Variants in ATG5 observed in about 807,000 individuals in gnomAD.
ATG5 encodes autophagy related 5.
Under a neutral mutation model 36.5 loss-of-function variants are expected in ATG5, and 14 were observed. The ratio of observed to expected loss-of-function variants is 0.38; its 90% CI spans 0.25 to 0.60. The LOEUF (loss-of-function observed/expected upper bound fraction) is 0.60. Ranked by LOEUF, ATG5 falls within the 20% of genes least tolerant of loss-of-function variation. The pLI, the probability that ATG5 is intolerant of heterozygous loss-of-function variation, is 0.60. For synonymous variants in ATG5, 95 were observed against 101.5 expected, an observed-to-expected ratio of 0.94 and a Z score of 0.38; for missense variants, 195 against 326.7, an observed-to-expected ratio of 0.60 and a Z score of 3.11.
chr6:106,245,646 G>A (rs796707), intron 6 of ATG5, among the ~76,000 whole-genome samples: 16,718 of 152,106 alleles, frequency 0.11, 997 homozygotes, highest in South Asian at 0.15. Flanking sequence ...CTCCGGTTAT[G>A]CAGAAATTCT....
At chr6:106,193,260 C>G (rs1387359491) in intron 7 of ATG5, among the ~76,000 whole-genome samples, 1 of 152,204 alleles carries the variant, frequency 6.6e-6, no homozygotes, top group African/African-American at 2.4e-5. Flanking sequence ...GATGCATACT[C>G]ACTTAGCAGT....
At chr6:106,209,611 A>G (rs983248871) in intron 6 of ATG5, among the ~76,000 whole-genome samples, 1 of 152,320 alleles carries the variant, frequency 6.6e-6, no homozygotes, top group African/African-American at 2.4e-5. Context: ...TTTTGAATAT[A>G]GGGTGAATTT....
intron 4 of ATG5, among the ~76,000 whole-genome samples, chr6:106,288,658 A>G (rs1248418607): frequency 1.3e-5 from 2 of 152,244 alleles, no homozygotes; most frequent in African/African-American, 2.4e-5. Context: ...ATATCATAGC[A>G]TTACCTATGC....
At position 106,233,393 on chromosome 6, in the gene ATG5, C is replaced by A. The variant is rs183494482; in HGVS notation, c.573+14757G>T. 2.6e-5 allele frequency among the ~76,000 whole-genome samples: 4 copies of A among 152,294 alleles called. No individual in the cohort carries two copies. In the East Asian group the frequency reaches 7.7e-4, roughly 29 times the overall value. ...CAATACCCATTTAGTAAGATGGACA[C>A]CTGAAGCAGAAGCGGCTTTCCAGGC... On this transcript the variant is annotated intron_variant, in intron 6 of 7. Transcript: ENST00000369076.
Position 106,281,360 on chromosome 6 carries a change from C to T in ATG5, c.316-1537G>A, listed in dbSNP as rs573309985. On this transcript the variant is annotated intron_variant, in intron 4 of 7. Transcript: ENST00000369076. ...TTGCAGTCAGTTCCCTCATTCCCTT[C>T]CCAAGGAATTACTGATAATGACATA... Among the ~76,000 whole-genome samples, 4 of 152,312 alleles carry T rather than the reference C, an allele frequency of 2.6e-5. No homozygotes were observed. In the East Asian group the frequency reaches 7.7e-4, roughly 29 times the overall value.
chr6:106,194,051 T>A (rs1776076922), intron 7 of ATG5, among the ~76,000 whole-genome samples: 1 of 152,210 alleles, frequency 6.6e-6, no homozygotes, highest in East Asian at 1.9e-4. Flanking sequence ...GTCAGTCCAG[T>A]AATGTCATCA....
chr6:106,317,585 G>A (rs1173554995), intron 1 of ATG5, among the ~76,000 whole-genome samples: 1 of 149,454 alleles, frequency 6.7e-6, no homozygotes, highest in African/African-American at 2.4e-5. Context: ...ATTAAACTGA[G>A]TCCAGTGCTC....
intron 6 of ATG5, among the ~76,000 whole-genome samples, chr6:106,222,988 A>C (rs1777309067): frequency 6.6e-6 from 1 of 152,240 alleles, no homozygotes; most frequent in Non-Finnish European, 1.5e-5. Flanking sequence ...AATATTGAAT[A>C]AAACAATGAC....
intron 6 of ATG5, among the ~76,000 whole-genome samples, chr6:106,221,408 G>A (rs963744054): frequency 2.0e-5 from 3 of 152,064 alleles, no homozygotes; most frequent in Non-Finnish European, 4.4e-5. Context: ...AACTGAGGCC[G>A]GGTACGGTGG....
chr6:106,188,105 C>T (rs1775839916), intron 7 of ATG5, among the ~76,000 whole-genome samples: 1 of 152,000 alleles, frequency 6.6e-6, no homozygotes, highest in Non-Finnish European at 1.5e-5. Context: ...GATTTGTTTT[C>T]ATAATGAAAT....
chr6:106,296,737 G>C (rs188549416), intron 3 of ATG5, among the ~76,000 whole-genome samples: 28 of 152,326 alleles, frequency 1.8e-4, no homozygotes, highest in African/African-American at 5.8e-4. Context: ...TGAATTACTT[G>C]AACCTGGGAG....
Position 106,316,269 on chromosome 6 carries a change from G to T in ATG5, c.-58-3C>A. 7.6e-7 allele frequency: 1 copy of T among 1,315,870 alleles called. No individual in the cohort carries two copies. The highest frequency in any genetic ancestry group is 1.3e-5 in the South Asian group (1 of 79,712). The allele number at this position is 1,315,870 out of a possible 1,614,324, so 81.5% of individuals were successfully genotyped here. ...TTCTTATTTCAACCAAAGCCAAACT[G>T]AAAATAAAATGAAGAGCATTAGTCA... On this transcript the variant is annotated splice_polypyrimidine_tract_variant and splice_region_variant and intron_variant, in intron 1 of 7. Transcript: ENST00000369076.
intron 5 of ATG5, among the ~76,000 whole-genome samples, chr6:106,264,840 GA>G (rs1554220310): frequency 3.9e-4 from 59 of 152,108 alleles, no homozygotes; most frequent in Non-Finnish European, 7.4e-5. Context: ...GCTCCTGAAG[GA>G]AGCACTACAT....
intron 4 of ATG5, 39 bp from the exon 5 acceptor site, chr6:106,279,862 C>A: frequency 7.7e-7 from 1 of 1,298,362 alleles, no homozygotes; most frequent in Admixed American, 2.8e-5. Flanking sequence ...ACAGGATACA[C>A]ACATTACAAA....
intron 4 of ATG5, among the ~76,000 whole-genome samples, chr6:106,286,613 A>C (rs559361196): frequency 6.6e-6 from 1 of 152,152 alleles, no homozygotes; most frequent in Non-Finnish European, 1.5e-5. Context: ...CTTCTAACTC[A>C]AAGAATGCGG....
chr6:106,300,741 T>C (rs1770176351), intron 3 of ATG5, among the ~76,000 whole-genome samples: 1 of 152,094 alleles, frequency 6.6e-6, no homozygotes, highest in Non-Finnish European at 1.5e-5. Context: ...GAAAGGATAC[T>C]ATAAAAATAC....
At chr6:106,259,505 T>C (rs996789414) in intron 5 of ATG5, among the ~76,000 whole-genome samples, 2 of 152,222 alleles carry the variant, frequency 1.3e-5, no homozygotes, top group African/African-American at 4.8e-5. Flanking sequence ...CTAAAAATAC[T>C]GGTGAGAATG....
chr6:106,229,436 G>GA (rs1036433723), intron 6 of ATG5, among the ~76,000 whole-genome samples: 5 of 149,544 alleles, frequency 3.3e-5, no homozygotes, highest in Admixed American at 6.6e-5. Flanking sequence ...GAGACAGAGA[G>GA]GAGAGAGAGA....
chr6:106,231,642 T>C (rs994189917), intron 6 of ATG5, among the ~76,000 whole-genome samples: 1 of 152,210 alleles, frequency 6.6e-6, no homozygotes, highest in African/African-American at 2.4e-5. Flanking sequence ...AGCATACCTC[T>C]CTCTGTCAAC....
Sources: allele counts gnomAD v4.1 joint callset (sites outside exome capture counted in the v4.1 genomes callset), GRCh38; gene constraint gnomAD v4.1.1; transcripts MANE v1.5; gene names NCBI Gene and HGNC (gene_info 2026-07-23, HGNC 2026-07-21).